Variants in PPP2R1A observed in about 807,000 individuals in gnomAD.
The protein encoded by PPP2R1A is serine/threonine-protein phosphatase 2A 65 kDa regulatory subunit A alpha isoform.
PPP2R1A carries 15 observed loss-of-function variants against 67.1 expected under a neutral mutation model. The observed-to-expected ratio is 0.22, with a 90% CI of 0.15 to 0.34. The LOEUF (loss-of-function observed/expected upper bound fraction) is 0.34. Ranked by LOEUF, PPP2R1A falls within the 10% of genes least tolerant of loss-of-function variation. The pLI is 1.00. For synonymous variants in PPP2R1A, 337 were observed against 325.0 expected (o/e 1.04, Z -0.40); for missense variants, 369 against 775.0 (o/e 0.48, Z 6.22).
chr19:52,212,945 C>G lies in PPP2R1A; in HGVS notation c.652-10C>G, dbSNP rs1190130592. On this transcript the variant is annotated splice_polypyrimidine_tract_variant and intron_variant, in intron 5 of 14. Coordinates refer to ENST00000322088, the MANE Select transcript of PPP2R1A (RefSeq NM_014225.6). This position sits in a 1 kb window ranked among gnomAD's most constrained non-coding sequence, Gnocchi z 4.1. ...CTGCTGCCCTCCCACTGTTCCTCTC[C>G]TCTCCCTAGGACTCGGTGCGGCTGC... is the stretch of plus-strand genomic sequence containing the variant. 6.3e-7 allele frequency: 1 copy of G among 1,584,076 alleles called. No individual in the cohort carries two copies.
intron 2 of PPP2R1A, among the ~76,000 whole-genome samples, chr19:52,203,257 C>G (rs756459460): frequency 3.3e-5 from 5 of 152,116 alleles, no homozygotes; most frequent in Admixed American, 6.6e-5. Context: ...GTGTGTCTGA[C>G]TGGATGGTGC....
intron 2 of PPP2R1A, among the ~76,000 whole-genome samples, chr19:52,202,930 A>G (rs1358241811): frequency 6.6e-6 from 1 of 152,252 alleles, no homozygotes; most frequent in Non-Finnish European, 1.5e-5. Flanking sequence ...GCTGTTTGTG[A>G]GGATGTAGGT....
At position 52,222,236 on chromosome 19, in the gene PPP2R1A, C is replaced by T; in HGVS notation, c.1656C>T (p.Asp552=). ...TGCAGAAGATAGGGCCCATCCTGGA[C>T]AACAGGTGAGGTCTGGATACTCCCC... The part of the protein sequence containing the change: ...KSLQKIGPIL[D]NSTLQSEVKP... The change falls in exon 13 of 15, where the codon GAC becomes GAT. Residue 552 remains aspartate, a synonymous_variant. Transcript: ENST00000322088. 6.2e-7 allele frequency: 1 copy of T among 1,613,960 alleles called. No homozygotes were observed. Among genetic ancestry groups the T allele is most frequent in the South Asian group, 1.1e-5 (1 of 91,050 alleles).
chr19:52,207,690 A>G (rs997178121), intron 3 of PPP2R1A, among the ~76,000 whole-genome samples: 1 of 152,184 alleles, frequency 6.6e-6, no homozygotes, highest in African/African-American at 2.4e-5. Flanking sequence ...AGAGCCTTAC[A>G]CAGTTGTATA....
At chr19:52,199,307 T>C (rs10425393) in intron 1 of PPP2R1A, among the ~76,000 whole-genome samples, 23,206 of 151,988 alleles carry the variant, frequency 0.15, 1,836 homozygotes, top group African/African-American at 0.19. Flanking sequence ...GCTGGGACTA[T>C]AGGCGCCCGC....
At chr19:52,193,679 C>T (rs1249461364) in intron 1 of PPP2R1A, among the ~76,000 whole-genome samples, 1 of 152,152 alleles carries the variant, frequency 6.6e-6, no homozygotes, top group African/African-American at 2.4e-5. Flanking sequence ...AAGTGATTCT[C>T]CTGCCTCAGC....
Position 52,211,002 on chromosome 19 carries a change from A to T in PPP2R1A, c.271-258A>T, listed in dbSNP as rs1269915928. On this transcript the variant is annotated intron_variant, in intron 3 of 14. Coordinates refer to ENST00000322088, the MANE Select transcript of PPP2R1A (RefSeq NM_014225.6). The surrounding 1 kb of genome is among the most constrained non-coding windows in gnomAD (Gnocchi z 5.3). ...TTTAAGGTTTATGGACCCCAGTGAA[A>T]CTCCTTCAAGGACCCCTAAATAAGA... is the stretch of plus-strand genomic sequence containing the variant. Among the ~76,000 whole-genome samples the T allele has an allele frequency of 6.6e-6, 1 of 152,150 alleles. No individual in the cohort carries two copies. Among genetic ancestry groups the T allele is most frequent in the East Asian group, 1.9e-4 (1 of 5,188 alleles).
At chr19:52,190,750 A>G (rs971513269) in intron 1 of PPP2R1A, among the ~76,000 whole-genome samples, 1 of 152,170 alleles carries the variant, frequency 6.6e-6, no homozygotes, top group Admixed American at 6.5e-5. Context: ...GGTGGGGACT[A>G]GCCAAGTTTA....
intron 2 of PPP2R1A, among the ~76,000 whole-genome samples, chr19:52,204,081 G>A (rs2089578268): frequency 6.6e-6 from 1 of 152,178 alleles, no homozygotes; most frequent in South Asian, 2.1e-4. Context: ...GTCCTGAGTG[G>A]AACGGAGGCA....
intron 3 of PPP2R1A, among the ~76,000 whole-genome samples, chr19:52,208,323 C>A (rs867730444): frequency 6.6e-6 from 1 of 151,904 alleles, no homozygotes; most frequent in Middle Eastern, 3.4e-3. Flanking sequence ...CGTGTGCCAC[C>A]GCACCCAGCT....
intron 1 of PPP2R1A, among the ~76,000 whole-genome samples, chr19:52,192,818 G>T (rs2089466795): frequency 6.6e-6 from 1 of 152,176 alleles, no homozygotes; most frequent in Non-Finnish European, 1.5e-5. Flanking sequence ...AGGTGTGGGG[G>T]AAGTTGTGTG....
At chr19:52,218,786 G>A (rs1028700109) in intron 9 of PPP2R1A, among the ~76,000 whole-genome samples, 1 of 152,132 alleles carries the variant, frequency 6.6e-6, no homozygotes, top group Non-Finnish European at 1.5e-5. Flanking sequence ...AAGCCCATAC[G>A]TGCTGCAAGT....
intron 1 of PPP2R1A, among the ~76,000 whole-genome samples, chr19:52,197,972 G>A (rs1305596981): frequency 1.3e-5 from 2 of 152,200 alleles, no homozygotes; most frequent in Non-Finnish European, 1.5e-5. Flanking sequence ...AACATCAGTG[G>A]ACCAGCTGCC....
At chr19:52,221,386 G>A (rs747243191) in intron 12 of PPP2R1A, among the ~76,000 whole-genome samples, 1 of 152,140 alleles carries the variant, frequency 6.6e-6, no homozygotes, top group Non-Finnish European at 1.5e-5. Flanking sequence ...TGACCTGTTG[G>A]AGCAGCGATC....
intron 2 of PPP2R1A, among the ~76,000 whole-genome samples, chr19:52,202,741 T>G (rs2089563518): frequency 6.6e-6 from 1 of 152,218 alleles, no homozygotes; most frequent in African/African-American, 2.4e-5. Context: ...CTCTACCACT[T>G]TCTAGGTGTG....
chr19:52,202,084 G>T (rs922009245), intron 2 of PPP2R1A, 50 bp downstream of exon 2: 35 of 1,474,744 alleles, frequency 2.4e-5, no homozygotes, highest in Non-Finnish European at 3.1e-5. Flanking sequence ...TTGGGAGGTG[G>T]TTTTCACTAT....
At chr19:52,203,604 T>C (rs1186531824) in intron 2 of PPP2R1A, among the ~76,000 whole-genome samples, 1 of 152,066 alleles carries the variant, frequency 6.6e-6, no homozygotes, top group African/African-American at 2.4e-5. Context: ...ACAGCAATCA[T>C]AACACAGAAC....
Position 52,225,954 on chromosome 19 carries a change from T to C in PPP2R1A, c.1754-11T>C, listed in dbSNP as rs1181512784. The C allele has an allele frequency of 6.2e-7, 1 of 1,614,122 alleles. No individual in the cohort carries two copies. Among genetic ancestry groups the C allele is most frequent in the African/African-American group, 1.3e-5 (1 of 74,940 alleles). ...TCTGGTTCTGATTCTTGCCTGTTCC[T>C]GTTTTCCTAGTTCTGTCTCTCGCCT... On this transcript the variant is annotated splice_polypyrimidine_tract_variant and intron_variant, in intron 14 of 14. Coordinates refer to ENST00000322088, the MANE Select transcript of PPP2R1A (RefSeq NM_014225.6).
At chr19:52,220,343 G>A (rs1425479530) in intron 11 of PPP2R1A, 94 bp downstream of exon 11, 3 of 1,355,570 alleles carry the variant, frequency 2.2e-6, no homozygotes, top group South Asian at 1.2e-5. Context: ...GAGGAGGCTA[G>A]AGTCACTCCC....
Sources: allele counts gnomAD v4.1 joint callset (sites outside exome capture counted in the v4.1 genomes callset), GRCh38; gene constraint gnomAD v4.1.1; non-coding constraint Gnocchi (gnomAD v3.1); transcripts MANE v1.5; gene names NCBI Gene and HGNC (gene_info 2026-07-23, HGNC 2026-07-21).